Variants in SULT1E1 observed in about 807,000 individuals in gnomAD.
SULT1E1 encodes sulfotransferase 1E1.
SULT1E1 carries 36 observed loss-of-function variants against 33.6 expected under a neutral mutation model. The observed-to-expected ratio is 1.07, with a 90% CI of 0.82 to 1.41. The LOEUF (loss-of-function observed/expected upper bound fraction) is 1.41, where lower values mean the gene tolerates loss of function less well. Among genes scored for constraint, SULT1E1 ranks in the 40% most tolerant of loss-of-function variants. The pLI, the probability that SULT1E1 is intolerant of heterozygous loss-of-function variation, is 0.00. For synonymous variants in SULT1E1, 121 were observed against 111.7 expected (o/e 1.08, Z -0.53); for missense variants, 371 against 345.7 (o/e 1.07, Z -0.58).
intron 1 of SULT1E1, among the ~76,000 whole-genome samples, chr4:69,858,136 A>G (rs1721286574): frequency 6.6e-6 from 1 of 152,188 alleles, no homozygotes; most frequent in African/African-American, 2.4e-5. Flanking sequence ...CTGAATATGT[A>G]TCATTTTTTT....
At chr4:69,848,460 G>A in intron 5 of SULT1E1, among the ~76,000 whole-genome samples, 1 of 151,798 alleles carries the variant, frequency 6.6e-6, no homozygotes, top group East Asian at 1.9e-4. Flanking sequence ...GAGTCAAAAG[G>A]TTCTGCTTTG....
chr4:69,855,502 G>C, intron 2 of SULT1E1, 76 bp from the exon 3 acceptor site: 5 of 1,463,992 alleles, frequency 3.4e-6, no homozygotes, highest in Non-Finnish European at 4.6e-6. Flanking sequence ...TTTATGGATG[G>C]AAAAAGTTGG....
chr4:69,821,430 G>C, the SULT1E1 span, among the ~76,000 whole-genome samples: 1 of 152,160 alleles, frequency 6.6e-6, no homozygotes, highest in Non-Finnish European at 1.5e-5. Context: ...CATAAAACAT[G>C]GAGCAACATT....
At chr4:69,846,244 T>C (rs889097704) in intron 6 of SULT1E1, among the ~76,000 whole-genome samples, 5 of 147,938 alleles carry the variant, frequency 3.4e-5, no homozygotes, top group African/African-American at 2.5e-5. Context: ...ACAGTTTTCT[T>C]AGTTTTTTTT....
intron 2 of SULT1E1, among the ~76,000 whole-genome samples, chr4:69,857,033 T>C (rs1166690923): frequency 6.8e-6 from 1 of 147,994 alleles, no homozygotes; most frequent in African/African-American, 2.5e-5. Context: ...GATGAAGAAA[T>C]ATGAATTCGG....
intron 1 of SULT1E1, among the ~76,000 whole-genome samples, chr4:69,859,080 T>C (rs1429651423): frequency 6.6e-6 from 1 of 152,158 alleles, no homozygotes; most frequent in East Asian, 1.9e-4. Flanking sequence ...TCCTATGTGA[T>C]CCCCATTTTC....
At chr4:69,844,386 TA>T in intron 6 of SULT1E1, 45 bp from the exon 7 acceptor site, 1 of 1,412,314 alleles carries the variant, frequency 7.1e-7, no homozygotes. Context: ...TAAAACTGAA[TA>T]AATCACTATC....
At chr4:69,828,118 G>A in the SULT1E1 span, among the ~76,000 whole-genome samples, 1 of 152,112 alleles carries the variant, frequency 6.6e-6, no homozygotes, top group East Asian at 1.9e-4. Flanking sequence ...AACCATTGAT[G>A]GTCAGGAAAT....
chr4:69,841,283 C>T lies in SULT1E1; in HGVS notation c.*711G>A, dbSNP rs1560553056. 1 of 151,834 alleles carries T rather than the reference C, an allele frequency of 6.6e-6. No homozygotes were observed. Among genetic ancestry groups the T allele is most frequent in the Non-Finnish European group, 1.5e-5 (1 of 67,980 alleles). The allele number at this position is 151,834 out of a possible 1,614,324, so 9.4% of individuals were successfully genotyped here. On this transcript the variant is annotated 3_prime_UTR_variant, in exon 8 of 8. Transcript: ENST00000226444. The stretch of plus-strand genomic sequence containing the variant: ...ATAATCTGTGTTACTACATCATTCC[C>T]ATAGGTTATAGTTGTGCATGATATT...
intron 4 of SULT1E1, among the ~76,000 whole-genome samples, chr4:69,852,415 C>T (rs1269260373): frequency 6.6e-6 from 1 of 152,148 alleles, no homozygotes; most frequent in Non-Finnish European, 1.5e-5. Flanking sequence ...CTTGCCTTCA[C>T]CATAAAGGTT....
chr4:69,847,878 A>G (rs561421672), intron 5 of SULT1E1, 86 bp from the exon 6 acceptor site: 2 of 693,814 alleles, frequency 2.9e-6, no homozygotes, highest in Admixed American at 5.1e-5. Context: ...ATAACAACAA[A>G]TAAATATAAA....
the SULT1E1 span, among the ~76,000 whole-genome samples, chr4:69,821,798 A>G: frequency 6.6e-6 from 1 of 152,178 alleles, no homozygotes; most frequent in Non-Finnish European, 1.5e-5. Context: ...CTAATCTCTT[A>G]GTTTCCATTT....
At chr4:69,835,906 T>G in the SULT1E1 span, among the ~76,000 whole-genome samples, 152 of 152,308 alleles carry the variant, frequency 1.0e-3, 1 homozygote, top group South Asian at 0.019. Flanking sequence ...GGCGTCCCAG[T>G]GTGCTGAGGT....
intron 5 of SULT1E1, chr4:69,849,152 ACT>A (rs1721046645): frequency 4.7e-6 from 1 of 213,872 alleles, no homozygotes. Flanking sequence ...AAAATCAGAC[ACT>A]GAGTCTCAAT....
chr4:69,851,706 A>C (rs1721115248), intron 4 of SULT1E1, among the ~76,000 whole-genome samples: 2 of 152,202 alleles, frequency 1.3e-5, no homozygotes, highest in Non-Finnish European at 2.9e-5. Context: ...TCACAATAGC[A>C]AAGACTTGGA....
chr4:69,826,024 G>A, the SULT1E1 span, among the ~76,000 whole-genome samples: 3 of 152,090 alleles, frequency 2.0e-5, no homozygotes, highest in African/African-American at 7.2e-5. Flanking sequence ...CCCATTGTAG[G>A]GGGTATTATC....
chr4:69,851,488 G>C (rs1312647045), intron 4 of SULT1E1, among the ~76,000 whole-genome samples: 7 of 152,146 alleles, frequency 4.6e-5, no homozygotes, highest in African/African-American at 1.7e-4. Context: ...GTGCTGGAGA[G>C]GATGTGGAGA....
chr4:69,833,763 T>C, the SULT1E1 span, among the ~76,000 whole-genome samples: 2 of 152,188 alleles, frequency 1.3e-5, no homozygotes, highest in Non-Finnish European at 2.9e-5. Context: ...ATATTCCTGC[T>C]GTTTCTATTG....
chr4:69,838,195 A>G (rs1157338951), downstream of SULT1E1, among the ~76,000 whole-genome samples: 7 of 152,000 alleles, frequency 4.6e-5, no homozygotes, highest in Non-Finnish European at 8.8e-5. Context: ...GTAGAGGTTT[A>G]TTAATGTTAT....
Sources: allele counts gnomAD v4.1 joint callset (sites outside exome capture counted in the v4.1 genomes callset), GRCh38; gene constraint gnomAD v4.1.1; transcripts MANE v1.5; gene names NCBI Gene and HGNC (gene_info 2026-07-23, HGNC 2026-07-21).